NRXN1: variants seen among roughly 807,000 people sequenced by gnomAD.
NRXN1 encodes the protein neurexin-1.
Under a neutral mutation model 150.9 loss-of-function variants are expected in NRXN1, and 39 were observed. The observed-to-expected ratio is 0.26, with a 90% CI of 0.20 to 0.34. The LOEUF (loss-of-function observed/expected upper bound fraction) is 0.34. Ranked by LOEUF, NRXN1 falls within the 10% of genes least tolerant of loss-of-function variation. NRXN1 has a pLI of 1.00. For missense variants in NRXN1, 1,815 were observed against 1,949.9 expected, an observed-to-expected ratio of 0.93 and a Z score of 1.30; for synonymous variants, 924 against 757.0, an observed-to-expected ratio of 1.22 and a Z score of -3.62.
At chr2:50,336,151 T>A (rs2077179063) in intron 17 of NRXN1, among the ~76,000 whole-genome samples, 1 of 152,170 alleles carries the variant, frequency 6.6e-6, no homozygotes, top group Admixed American at 6.5e-5. Context: ...ATTCCAGAAT[T>A]CCTGTAATGT....
At chr2:50,743,219 C>G (rs916619496) in intron 5 of NRXN1, among the ~76,000 whole-genome samples, 1 of 152,138 alleles carries the variant, frequency 6.6e-6, no homozygotes, top group African/African-American at 2.4e-5. Context: ...TACCTCGTGT[C>G]TTTGTTGCTA....
chr2:50,949,630 A>G (rs1262638476), intron 2 of NRXN1, among the ~76,000 whole-genome samples: 1 of 151,946 alleles, frequency 6.6e-6, no homozygotes, highest in Non-Finnish European at 1.5e-5. Context: ...AGCATAATAC[A>G]TGGTGTGGTT....
At chr2:50,034,027 C>A (rs1215177970) in intron 21 of NRXN1, among the ~76,000 whole-genome samples, 1 of 150,470 alleles carries the variant, frequency 6.6e-6, no homozygotes, top group African/African-American at 2.4e-5. Context: ...GAAGAGAATG[C>A]TTATACACTG....
At chr2:50,240,119 A>T (rs2065878955) in intron 17 of NRXN1, among the ~76,000 whole-genome samples, 1 of 151,630 alleles carries the variant, frequency 6.6e-6, no homozygotes, top group Non-Finnish European at 1.5e-5. Flanking sequence ...TTTTCAATGA[A>T]TCTAAAACTT....
chr2:50,605,907 T>C (rs767451733), intron 8 of NRXN1, among the ~76,000 whole-genome samples: 1 of 152,250 alleles, frequency 6.6e-6, no homozygotes, highest in Non-Finnish European at 1.5e-5. Flanking sequence ...TATCCATTGA[T>C]GGATGACTGG....
At chr2:51,025,226 A>C (rs775282335) in intron 2 of NRXN1, among the ~76,000 whole-genome samples, 2 of 152,186 alleles carry the variant, frequency 1.3e-5, no homozygotes, top group Non-Finnish European at 2.9e-5. Context: ...TCAATGCTTC[A>C]GAAGAATCCT....
chr2:50,970,353 T>C (rs754912156), intron 2 of NRXN1, among the ~76,000 whole-genome samples: 7 of 152,118 alleles, frequency 4.6e-5, no homozygotes, highest in African/African-American at 1.7e-4. Flanking sequence ...TTTGGTGATA[T>C]TGTTTTCTGA....
chr2:50,686,065 G>T (rs1473118051), intron 5 of NRXN1, among the ~76,000 whole-genome samples: 1 of 152,012 alleles, frequency 6.6e-6, no homozygotes, highest in Non-Finnish European at 1.5e-5. Context: ...TGTCTATGGT[G>T]CCACAACTAG....
chr2:50,145,592 G>A (rs1321659944), intron 18 of NRXN1, among the ~76,000 whole-genome samples: 1 of 151,562 alleles, frequency 6.6e-6, no homozygotes, highest in African/African-American at 2.4e-5. Flanking sequence ...CTTTTTTAGG[G>A]GAGAAGAAGG....
At chr2:50,308,291 T>A (rs1308074279) in intron 17 of NRXN1, among the ~76,000 whole-genome samples, 1 of 152,036 alleles carries the variant, frequency 6.6e-6, no homozygotes, top group Admixed American at 6.6e-5. Context: ...CTAACTACCT[T>A]TCTACTGTTT....
At chr2:51,021,688 T>C (rs1669642182) in intron 2 of NRXN1, among the ~76,000 whole-genome samples, 1 of 152,008 alleles carries the variant, frequency 6.6e-6, no homozygotes, top group South Asian at 2.1e-4. Flanking sequence ...AACTTTAATG[T>C]ATAAGAGAGT....
intron 8 of NRXN1, among the ~76,000 whole-genome samples, chr2:50,572,546 G>T (rs1257610394): frequency 6.6e-6 from 1 of 152,078 alleles, no homozygotes; most frequent in African/African-American, 2.4e-5. Flanking sequence ...AGTATGCATT[G>T]CAGCCATTAT....
chr2:50,281,210 G>T (rs975831734), intron 17 of NRXN1, among the ~76,000 whole-genome samples: 1 of 151,456 alleles, frequency 6.6e-6, no homozygotes, highest in Non-Finnish European at 1.5e-5. Context: ...CCAGCTACTC[G>T]GGAGGCTGAG....
intron 17 of NRXN1, among the ~76,000 whole-genome samples, chr2:50,378,758 T>C (rs554491555): frequency 3.9e-5 from 6 of 152,216 alleles, no homozygotes; most frequent in African/African-American, 9.6e-5. Context: ...TTCTGAAAAG[T>C]GATTATAAAT....
intron 21 of NRXN1, among the ~76,000 whole-genome samples, chr2:49,985,830 A>G (rs1191085727): frequency 1.3e-5 from 2 of 152,210 alleles, no homozygotes; most frequent in Non-Finnish European, 2.9e-5. Context: ...CAACAAAAAA[A>G]AAATATTCAC....
intron 8 of NRXN1, among the ~76,000 whole-genome samples, chr2:50,605,380 A>ATC (rs3053106): frequency 0.018 from 2,762 of 152,318 alleles, 94 homozygotes; most frequent in East Asian, 0.14. Context: ...GAGGGCTTGT[A>ATC]GAATAAATGA....
chr2:51,013,228 G>A (rs1344406100), intron 2 of NRXN1, among the ~76,000 whole-genome samples: 6 of 151,982 alleles, frequency 3.9e-5, no homozygotes, highest in African/African-American at 1.2e-4. Context: ...TGAAACTGGG[G>A]CAATCCACTG....
chr2:50,365,171 G>A (rs1049496201), intron 17 of NRXN1, among the ~76,000 whole-genome samples: 2 of 151,460 alleles, frequency 1.3e-5, no homozygotes, highest in African/African-American at 2.4e-5. Context: ...GTTCACTTTT[G>A]CTAGCATTAG....
chr2:50,484,314 A>T (rs928065548), intron 15 of NRXN1, among the ~76,000 whole-genome samples: 3 of 152,178 alleles, frequency 2.0e-5, no homozygotes, highest in African/African-American at 7.2e-5. Context: ...GAAAGATGGA[A>T]TATTATTAAT....
Sources: allele counts gnomAD v4.1 joint callset (sites outside exome capture counted in the v4.1 genomes callset), GRCh38; gene constraint gnomAD v4.1.1; transcripts MANE v1.5; gene names NCBI Gene and HGNC (gene_info 2026-07-23, HGNC 2026-07-21).